Variants in CABLES1 observed in about 807,000 individuals in gnomAD.
The protein encoded by CABLES1 is CDK5 and ABL1 enzyme substrate 1.
A neutral mutation model predicts 57.8 loss-of-function variants in CABLES1; 36 were observed. The observed-to-expected ratio is 0.62, with a 90% CI of 0.48 to 0.82. The LOEUF (loss-of-function observed/expected upper bound fraction) is 0.82. Among genes scored for constraint, CABLES1 ranks in the 40% least tolerant of loss-of-function variants. The probability of loss-of-function intolerance (pLI) is 0.00; values close to 1 mark genes in which losing one functional copy is unlikely to be tolerated. For synonymous variants in CABLES1, 374 were observed against 363.0 expected (o/e 1.03, Z -0.35); for missense variants, 767 against 836.6 (o/e 0.92, Z 1.03).
At chr18:23,213,515 GA>G (rs1225910516) in intron 3 of CABLES1, among the ~76,000 whole-genome samples, 3 of 152,186 alleles carry the variant, frequency 2.0e-5, no homozygotes, top group Non-Finnish European at 4.4e-5. Context: ...GCCAGCAGAT[GA>G]AAAACCTAAT....
chr18:23,228,279 GA>G (rs1423069646), intron 4 of CABLES1, among the ~76,000 whole-genome samples: 1 of 152,178 alleles, frequency 6.6e-6, no homozygotes, highest in African/African-American at 2.4e-5. Flanking sequence ...CACAGAAGAG[GA>G]AACTAAAAAT....
chr18:23,204,245 C>A (rs1165257834), intron 3 of CABLES1: 1 of 152,264 alleles, frequency 6.6e-6, no homozygotes, highest in Non-Finnish European at 1.5e-5. Context: ...TGGGTCAGCA[C>A]CACACGCACC....
chr18:23,171,048 G>A (rs913603045), intron 1 of CABLES1, among the ~76,000 whole-genome samples: 3 of 152,190 alleles, frequency 2.0e-5, no homozygotes, highest in Non-Finnish European at 4.4e-5. Flanking sequence ...CGCCTGCCTC[G>A]GCCTTCCAAA....
In CABLES1 at chr18:23,219,233, G is replaced by A. The variant is rs150398211; in HGVS notation, c.1088+5179G>A. 67 of 454,102 alleles carry A rather than the reference G, an allele frequency of 1.5e-4. No homozygotes were observed. The East Asian group carries it at 1.7e-3, about 12-fold the overall frequency. 28.1% of individuals were successfully genotyped at this position (454,102 alleles called of 1,614,324 possible). On this transcript the variant is annotated intron_variant, in intron 4 of 9. Coordinates refer to ENST00000256925, the MANE Select transcript of CABLES1 (RefSeq NM_001100619.3). ...TCTCTGTGTGTGGAGCCTACTCTCCGTGCCATCCCTCTGGTCCTCTGTCTG... is the reference window on the plus strand; with the variant it reads ...TCTCTGTGTGTGGAGCCTACTCTCCATGCCATCCCTCTGGTCCTCTGTCTG...
chr18:23,225,299 C>CT (rs1283200819), intron 4 of CABLES1, among the ~76,000 whole-genome samples: 1 of 152,156 alleles, frequency 6.6e-6, no homozygotes, highest in South Asian at 2.1e-4. Flanking sequence ...TTTATTCAGT[C>CT]TTTTTTTCCT....
intron 1 of CABLES1, among the ~76,000 whole-genome samples, chr18:23,167,627 T>TG: frequency 6.6e-6 from 1 of 152,150 alleles, no homozygotes; most frequent in Middle Eastern, 3.4e-3. Flanking sequence ...GTTACAGCCC[T>TG]GGACCTAGGG....
chr18:23,215,458 C>T (rs1403980538), intron 4 of CABLES1, among the ~76,000 whole-genome samples: 1 of 152,242 alleles, frequency 6.6e-6, no homozygotes, highest in Non-Finnish European at 1.5e-5. Flanking sequence ...CATACACCTC[C>T]AGGGTGTCTG....
rs1312640072 is a variant in CABLES1, at chr18:23,205,208, G to A, written c.1011-8769G>A. On this transcript the variant is annotated intron_variant, in intron 3 of 9. Transcript: ENST00000256925. Reference sequence around the variant, plus strand: ...TTTTTTTTTTTTTTTTTTTTTTTGAGACGGCATCTCCCTCTGTCACCCAAG... The same window carrying A: ...TTTTTTTTTTTTTTTTTTTTTTTGAAACGGCATCTCCCTCTGTCACCCAAG... Among the ~76,000 whole-genome samples, 3 of 77,402 alleles carry A rather than the reference G, an allele frequency of 3.9e-5. No homozygotes were observed. The South Asian group carries it at 1.4e-3, about 36-fold the overall frequency. 50.8% of individuals were successfully genotyped at this position (77,402 alleles called of 152,430 possible).
intron 1 of CABLES1, among the ~76,000 whole-genome samples, chr18:23,172,173 C>G (rs2047087317): frequency 6.6e-6 from 1 of 152,144 alleles, no homozygotes; most frequent in South Asian, 2.1e-4. Context: ...ATCTGTGACA[C>G]CTAGGACTGA....
chr18:23,240,643 A>G (rs912128826), intron 7 of CABLES1, among the ~76,000 whole-genome samples: 1 of 152,210 alleles, frequency 6.6e-6, no homozygotes, highest in Admixed American at 6.5e-5. Flanking sequence ...TCACAGGCCA[A>G]TTATGCAGAG....
chr18:23,166,027 G>GCAAGGAC (rs2047040065), intron 1 of CABLES1, among the ~76,000 whole-genome samples: 1 of 152,118 alleles, frequency 6.6e-6, no homozygotes, highest in South Asian at 2.1e-4. Context: ...GGGTGTGCAG[G>GCAAGGAC]CAAGGACCAA....
At chr18:23,146,905 C>G (rs140109082) in intron 1 of CABLES1, among the ~76,000 whole-genome samples, 1 of 152,292 alleles carries the variant, frequency 6.6e-6, no homozygotes, top group East Asian at 1.9e-4. Flanking sequence ...TCCTTCCAGT[C>G]TCAAATCTTC....
chr18:23,228,458 CAG>C (rs948248228), intron 4 of CABLES1, among the ~76,000 whole-genome samples: 39 of 152,220 alleles, frequency 2.6e-4, no homozygotes, highest in African/African-American at 8.4e-4. Flanking sequence ...AAAACTAAGA[CAG>C]GGGTCCAGGG....
At chr18:23,236,152 G>T in intron 6 of CABLES1, 101 bp downstream of exon 6, 1 of 1,285,010 alleles carries the variant, frequency 7.8e-7, no homozygotes, top group Non-Finnish European at 1.1e-6. Flanking sequence ...GGAAGACAGG[G>T]GCTCGCAGGT....
chr18:23,161,752 TCCAAAA>T (rs1334921975), intron 1 of CABLES1, among the ~76,000 whole-genome samples: 4 of 23,440 alleles, frequency 1.7e-4, no homozygotes, highest in African/African-American at 2.5e-4. Flanking sequence ...CTACTAAAAA[TCCAAAA>T]AAAAAAAAAA....
chr18:23,148,995 T>C (rs1205947286), intron 1 of CABLES1, among the ~76,000 whole-genome samples: 3 of 151,882 alleles, frequency 2.0e-5, no homozygotes, highest in African/African-American at 7.3e-5. Context: ...GTTCAAGCAA[T>C]CCTCCTGCCT....
At position 23,235,896 on chromosome 18, in the gene CABLES1, C is replaced by T; in HGVS notation, c.1187C>T (p.Thr396Ile). 1 of 1,614,100 alleles carries T rather than the reference C, an allele frequency of 6.2e-7. No homozygotes were observed. Among genetic ancestry groups the T allele is most frequent in the Non-Finnish European group, 8.5e-7 (1 of 1,179,938 alleles). ...EGVELGADGK[T>I]VSYTQFLLPT... is the part of the protein sequence containing the mutation. Reference sequence around the variant, plus strand: ...CCTGTTTTTGTCTTCACCTTTTAGACTGTTTCCTATACCCAATTTCTGTTA... The same window carrying T: ...CCTGTTTTTGTCTTCACCTTTTAGATTGTTTCCTATACCCAATTTCTGTTA... The change falls in exon 6 of 10, where the codon ACT (threonine) becomes ATT (isoleucine). Residue 396 changes from threonine (T) to isoleucine (I), a missense_variant and splice_region_variant. Thr to Ile is a moderately conservative substitution (Grantham distance 89, BLOSUM62 -1). This residue lies in a region of CABLES1 where 529 missense variants were observed against 622.8 expected (regional missense o/e 0.85). Coordinates refer to ENST00000256925, the MANE Select transcript of CABLES1 (RefSeq NM_001100619.3).
At chr18:23,139,395 C>T (rs2046843451) in intron 1 of CABLES1, among the ~76,000 whole-genome samples, 1 of 118,514 alleles carries the variant, frequency 8.4e-6, no homozygotes, top group Non-Finnish European at 1.7e-5. Context: ...AAGAGTGAAA[C>T]TCCATCTCAA....
chr18:23,181,955 A>T (rs1258381333), intron 1 of CABLES1, among the ~76,000 whole-genome samples: 1 of 152,350 alleles, frequency 6.6e-6, no homozygotes, highest in East Asian at 1.9e-4. Context: ...TACTTGAGGT[A>T]TCCAAGACAC....
Sources: allele counts gnomAD v4.1 joint callset (sites outside exome capture counted in the v4.1 genomes callset), GRCh38; gene constraint gnomAD v4.1.1; regional missense constraint gnomAD v4.1.1; transcripts MANE v1.5; gene names NCBI Gene and HGNC (gene_info 2026-07-23, HGNC 2026-07-21).